Variants in DISP1 observed in about 807,000 individuals in gnomAD.
DISP1 encodes dispatched RND transporter family member 1, also known as protein dispatched homolog 1.
DISP1 carries 30 observed loss-of-function variants against 37.3 expected under a neutral mutation model. The observed-to-expected ratio is 0.80, with a 90% confidence interval of 0.60 to 1.09. The LOEUF (loss-of-function observed/expected upper bound fraction) is 1.09. DISP1 is among the 50% of genes least tolerant of loss of function. The pLI is 0.00. For missense variants in DISP1, 1,598 were observed against 1,879.5 expected (o/e 0.85, Z 2.77); for synonymous variants, 634 against 690.2 (o/e 0.92, Z 1.28).
Position 222,871,978 on chromosome 1 carries a change from T to C in DISP1, c.-158-56452T>C, listed in dbSNP as rs534634579. 2.5e-3 allele frequency among the ~76,000 whole-genome samples: 385 copies of C among 152,310 alleles called. 5 individuals carry two copies. Among genetic ancestry groups the C allele is most frequent in the African/African-American group, 8.5e-3 (355 of 41,556 alleles). On this transcript the variant is annotated intron_variant, in intron 1 of 8. Coordinates refer to ENST00000675850, the MANE Select transcript of DISP1 (RefSeq NM_001377229.1). ...ATACGTCCCATCAATACCTAATTTA[T>C]TGAGAGTTTTTAGCATGAAGGGTTG...
intron 1 of DISP1, among the ~76,000 whole-genome samples, chr1:222,824,919 G>A (rs1331214017): frequency 1.3e-5 from 2 of 152,102 alleles, no homozygotes; most frequent in East Asian, 3.8e-4. Flanking sequence ...ATAATGGAGG[G>A]TAATGATGAA....
At chr1:222,844,090 T>G (rs1208986352) in intron 1 of DISP1, among the ~76,000 whole-genome samples, 1 of 152,168 alleles carries the variant, frequency 6.6e-6, no homozygotes, top group African/African-American at 2.4e-5. Flanking sequence ...TACACATTTG[T>G]TTCCTAAAAT....
chr1:222,997,028 C>T (rs1279117845), intron 8 of DISP1, among the ~76,000 whole-genome samples: 1 of 149,118 alleles, frequency 6.7e-6, no homozygotes, highest in Non-Finnish European at 1.5e-5. Context: ...TCTCTCCTCT[C>T]TCTCTGTCTC....
At chr1:222,817,742 A>T (rs149670222) in intron 1 of DISP1, among the ~76,000 whole-genome samples, 135 of 152,270 alleles carry the variant, frequency 8.9e-4, no homozygotes, top group African/African-American at 3.2e-3. Context: ...AGTGACCAAG[A>T]TGACTTGGGC....
chr1:222,845,297 T>C (rs1003737827), intron 1 of DISP1, among the ~76,000 whole-genome samples: 2 of 152,204 alleles, frequency 1.3e-5, no homozygotes, highest in Non-Finnish European at 2.9e-5. Context: ...CATCCGTTCA[T>C]TTGTCATCCT....
intron 1 of DISP1, among the ~76,000 whole-genome samples, chr1:222,869,318 T>C (rs1005243209): frequency 1.3e-5 from 2 of 152,182 alleles, no homozygotes; most frequent in Non-Finnish European, 2.9e-5. Flanking sequence ...ACTAACAAAG[T>C]TGTTCTTTAT....
intron 2 of DISP1, among the ~76,000 whole-genome samples, chr1:222,933,577 A>G (rs1311267980): frequency 2.6e-5 from 4 of 152,084 alleles, no homozygotes; most frequent in South Asian, 4.1e-4. Context: ...AGATCTTCAA[A>G]TATATAATGT....
At chr1:222,816,424 C>T (rs185809571) in intron 1 of DISP1, among the ~76,000 whole-genome samples, 3 of 152,272 alleles carry the variant, frequency 2.0e-5, no homozygotes, top group African/African-American at 7.2e-5. Context: ...AGAATCATAA[C>T]ACTGTCACTG....
intron 8 of DISP1, among the ~76,000 whole-genome samples, chr1:222,995,816 T>C (rs781026763): frequency 6.6e-6 from 1 of 152,172 alleles, no homozygotes; most frequent in Non-Finnish European, 1.5e-5. Context: ...AATCGAATCA[T>C]GTGCCGTGCT....
chr1:222,884,126 A>G (rs1161234835), intron 1 of DISP1, among the ~76,000 whole-genome samples: 1 of 151,898 alleles, frequency 6.6e-6, no homozygotes, highest in Non-Finnish European at 1.5e-5. Flanking sequence ...AATTTGAATC[A>G]CTTTGGCTCT....
At chr1:222,849,191 A>G (rs1385615744) in intron 1 of DISP1, among the ~76,000 whole-genome samples, 3 of 152,194 alleles carry the variant, frequency 2.0e-5, no homozygotes, top group Non-Finnish European at 4.4e-5. Context: ...ATATAAGATC[A>G]AATTAATGCA....
chr1:222,998,364 C>T (rs542731251), intron 8 of DISP1, among the ~76,000 whole-genome samples: 202 of 151,620 alleles, frequency 1.3e-3, no homozygotes, highest in Middle Eastern at 6.8e-3. Flanking sequence ...CTCCAGAAAA[C>T]GTCTGGTAAT....
Position 222,991,646 on chromosome 1 carries a change from A to G in DISP1, c.790A>G (p.Ser264Gly). Residue 264 changes from serine (S) to glycine (G), a missense_variant and splice_region_variant, in exon 6 of 9, where the codon AGC (serine) becomes GGC (glycine). By Grantham distance (56) the Ser-to-Gly change is moderately conservative. Coordinates refer to ENST00000675850, the MANE Select transcript of DISP1 (RefSeq NM_001377229.1). Reference protein sequence around the residue: ...PFKYADEQAKSHRDDRWSDDH... With the variant: ...PFKYADEQAKGHRDDRWSDDH... ...TAAATATGCAGATGAACAAGCCAAA[A>G]GGTAATCAATTATTTATTTTTATAT... 3 of 1,612,218 alleles carry G rather than the reference A, an allele frequency of 1.9e-6. No homozygotes were observed. Among genetic ancestry groups the G allele is most frequent in the Non-Finnish European group, 2.5e-6 (3 of 1,178,634 alleles).
chr1:222,977,436 T>C lies in DISP1; in HGVS notation c.510-5644T>C, dbSNP rs185862907. On this transcript the variant is annotated intron_variant, in intron 3 of 8. Transcript: ENST00000675850. ...TGTCTTGGAAAGGCTTAATTACAAA[T>C]ATTTTTTGTCTAACTCCCATAACTT... 9.0e-4 allele frequency among the ~76,000 whole-genome samples: 135 copies of C among 149,686 alleles called. 3 individuals are homozygous for C. Among genetic ancestry groups the C allele is most frequent in the Admixed American group, 9.0e-3 (134 of 14,880 alleles).
chr1:222,881,925 A>T (rs760639128), intron 1 of DISP1, among the ~76,000 whole-genome samples: 5 of 152,232 alleles, frequency 3.3e-5, no homozygotes, highest in Non-Finnish European at 7.3e-5. Context: ...TGTATTTGAC[A>T]TGTACACATA....
At chr1:222,854,112 C>G (rs1668420585) in intron 1 of DISP1, among the ~76,000 whole-genome samples, 1 of 152,154 alleles carries the variant, frequency 6.6e-6, no homozygotes, top group Admixed American at 6.5e-5. Flanking sequence ...TGGCCACAGA[C>G]TATAAATATA....
chr1:222,968,085 T>C (rs1676643808), intron 3 of DISP1, among the ~76,000 whole-genome samples: 1 of 152,176 alleles, frequency 6.6e-6, no homozygotes, highest in Non-Finnish European at 1.5e-5. Flanking sequence ...CGAAAAGAAC[T>C]GGTAGACACA....
At chr1:222,852,550 T>G (rs1341254619) in intron 1 of DISP1, among the ~76,000 whole-genome samples, 1 of 152,124 alleles carries the variant, frequency 6.6e-6, no homozygotes. Context: ...ACATGAATCA[T>G]CATGACAGCC....
chr1:222,970,010 AAG>A lies in DISP1; in HGVS notation c.510-13067_510-13066del, dbSNP rs767011600. ...TAAAGGAAAATTTTTAGAATGAAAA[AAG>A]AGGGGCGTATATTGCCTTTCTGAGA... is the stretch of plus-strand genomic sequence containing the variant. On this transcript the variant is annotated intron_variant, in intron 3 of 8. Transcript: ENST00000675850. Among the ~76,000 whole-genome samples, 75 of 152,334 alleles carry A rather than the reference AAG, an allele frequency of 4.9e-4. 2 individuals carry two copies. Among genetic ancestry groups the A allele is most frequent in the Non-Finnish European group, 1.1e-3 (74 of 68,026 alleles).
Sources: gnomAD v4.1 joint callset for allele counts (sites outside exome capture counted in the v4.1 genomes callset) on GRCh38, gnomAD v4.1.1 for gene constraint, MANE v1.5 for transcripts, NCBI Gene and HGNC (gene_info 2026-07-23, HGNC 2026-07-21) for gene names.